Variants in ARHGEF26 observed in about 807,000 individuals in gnomAD.
The protein encoded by ARHGEF26 is Rho guanine nucleotide exchange factor 26, also known as Rho guanine nucleotide exchange factor (GEF) 26.
ARHGEF26 carries 59 observed loss-of-function variants against 89.4 expected under a neutral mutation model. The ratio of observed to expected loss-of-function variants is 0.66; its 90% confidence interval spans 0.54 to 0.82. The LOEUF is 0.82. ARHGEF26 is among the 40% of genes least tolerant of loss of function. ARHGEF26 has a pLI of 0.00. For missense variants in ARHGEF26, 1,234 were observed against 1,085.6 expected (o/e 1.14, Z -1.92); for synonymous variants, 500 against 428.4 (o/e 1.17, Z -2.06).
At chr3:154,240,939 T>A (rs1717451479) in intron 12 of ARHGEF26, among the ~76,000 whole-genome samples, 1 of 152,222 alleles carries the variant, frequency 6.6e-6, no homozygotes, top group South Asian at 2.1e-4. Flanking sequence ...GTCTAGGCCA[T>A]AAGCCTTCTT....
chr3:154,254,697 AG>A (rs1332418307), intron 13 of ARHGEF26, 22 bp from the exon 14 acceptor site: 2 of 1,596,218 alleles, frequency 1.3e-6, no homozygotes, highest in Non-Finnish European at 1.7e-6. Context: ...CTGGAAACTT[AG>A]TATGTCCTCT....
intron 10 of ARHGEF26, 26 bp from the exon 11 acceptor site, chr3:154,225,830 G>A: frequency 6.4e-7 from 1 of 1,567,210 alleles, no homozygotes; most frequent in Non-Finnish European, 8.6e-7. Flanking sequence ...TTTAGCTTTG[G>A]TCACTGGGTT....
In ARHGEF26 at chr3:154,233,902, C is replaced by T. The variant is rs188508087; in HGVS notation, c.2091-6468C>T. 3.3e-4 allele frequency among the ~76,000 whole-genome samples: 50 copies of T among 152,106 alleles called. No homozygotes were observed. The East Asian group carries it at 7.9e-3, about 24-fold the overall frequency. On this transcript the variant is annotated intron_variant, in intron 11 of 14. Transcript: ENST00000465093. ...AGCACATTCTAGTAAATATTTTTTT[C>T]GGGACAGAAAAGCTATGTGAATGTT...
In ARHGEF26 at chr3:154,256,728, C is replaced by G. The variant is rs113040093; in HGVS notation, c.*1255C>G. The G allele has an allele frequency of 2.2e-6, 3 of 1,374,216 alleles. No homozygotes were observed. The highest frequency in any genetic ancestry group is 2.1e-4 in the Middle Eastern group (1 of 4,754). 85.1% of individuals were successfully genotyped at this position (1,374,216 alleles called of 1,614,324 possible). On this transcript the variant is annotated 3_prime_UTR_variant, in exon 15 of 15. Transcript: ENST00000465093. Reference sequence around the variant, plus strand: ...AGGGAAAATTAGGCCTTAAAAGATACCAAGAAGTCAGCATGGTACCCAATT... The same window carrying G: ...AGGGAAAATTAGGCCTTAAAAGATAGCAAGAAGTCAGCATGGTACCCAATT...
chr3:154,242,322 G>T (rs1344559234), intron 12 of ARHGEF26, among the ~76,000 whole-genome samples: 3 of 152,180 alleles, frequency 2.0e-5, no homozygotes, highest in African/African-American at 7.2e-5. Flanking sequence ...CATGGGAGGA[G>T]ATCAACATAT....
chr3:154,133,071 A>G (rs1344892455), intron 4 of ARHGEF26, among the ~76,000 whole-genome samples: 1 of 152,112 alleles, frequency 6.6e-6, no homozygotes, highest in Non-Finnish European at 1.5e-5. Flanking sequence ...GCCTCCTGGG[A>G]TGGTGAAACT....
chr3:154,238,815 C>A (rs1717278560), intron 11 of ARHGEF26, among the ~76,000 whole-genome samples: 1 of 151,930 alleles, frequency 6.6e-6, no homozygotes, highest in Admixed American at 6.6e-5. Flanking sequence ...CAGGCAAATA[C>A]AATCAAGGAG....
At position 154,240,535 on chromosome 3, in the gene ARHGEF26, C is replaced by A; in HGVS notation, c.2256C>A (p.Asn752Lys). 6.2e-7 allele frequency: 1 copy of A among 1,612,892 alleles called. No individual in the cohort carries two copies. The highest frequency in any genetic ancestry group is 8.5e-7 in the Non-Finnish European group (1 of 1,179,368). The change falls in exon 12 of 15, where the codon AAC becomes AAA. Residue 752 changes from asparagine to lysine, a missense_variant. Asn to Lys is a moderately conservative substitution (Grantham distance 94). Coordinates refer to ENST00000465093, the MANE Select transcript of ARHGEF26 (RefSeq NM_015595.4). ...TCTTTACTCTGACAGTCCTTAGTAA[C>A]CACGCGAATGAGAAAGTGGAGATGC... Reference protein sequence around the residue: ...SHLFTLTVLSNHANEKVEMLL... With the variant: ...SHLFTLTVLSKHANEKVEMLL...
intron 8 of ARHGEF26, 23 bp from the exon 9 acceptor site, chr3:154,194,621 T>C (rs1211178299): frequency 6.5e-7 from 1 of 1,546,138 alleles, no homozygotes; most frequent in South Asian, 1.2e-5. Flanking sequence ...CAATAAATTT[T>C]GTTCACTTTT....
chr3:154,129,869 G>GC (rs1718574041), intron 4 of ARHGEF26, 150 bp downstream of exon 4: 3 of 952,308 alleles, frequency 3.2e-6, no homozygotes, highest in East Asian at 2.6e-5. Flanking sequence ...TCGGAACTCT[G>GC]CCCGCACTAA....
intron 10 of ARHGEF26, among the ~76,000 whole-genome samples, chr3:154,223,838 G>T (rs1361679844): frequency 1.3e-5 from 2 of 152,046 alleles, no homozygotes; most frequent in African/African-American, 4.8e-5. Flanking sequence ...TGGTGAAATG[G>T]TGAATTTCAT....
intron 1 of ARHGEF26, 101 bp from the exon 2 acceptor site, chr3:154,121,841 C>G: frequency 9.3e-7 from 1 of 1,078,838 alleles, no homozygotes; most frequent in African/African-American, 1.6e-5. Context: ...GCAGTCGTGT[C>G]CTGCGCAGCA....
At chr3:154,232,303 G>T (rs1486274460) in intron 11 of ARHGEF26, among the ~76,000 whole-genome samples, 1 of 152,086 alleles carries the variant, frequency 6.6e-6, no homozygotes, top group Non-Finnish European at 1.5e-5. Context: ...CATCTTTTTT[G>T]GTGGCAGTCA....
At chr3:154,230,196 GC>G (rs1716745979) in intron 11 of ARHGEF26, among the ~76,000 whole-genome samples, 1 of 152,172 alleles carries the variant, frequency 6.6e-6, no homozygotes, top group Non-Finnish European at 1.5e-5. Context: ...GTTTCTTACA[GC>G]TGCTGTATCA....
intron 4 of ARHGEF26, among the ~76,000 whole-genome samples, chr3:154,131,553 A>G (rs932580570): frequency 2.0e-5 from 3 of 152,242 alleles, no homozygotes; most frequent in Non-Finnish European, 2.9e-5. Flanking sequence ...GACAAGGTCC[A>G]TTGAGGCCAT....
At chr3:154,237,285 A>G (rs1717174253) in intron 11 of ARHGEF26, among the ~76,000 whole-genome samples, 2 of 152,114 alleles carry the variant, frequency 1.3e-5, no homozygotes, top group African/African-American at 4.8e-5. Flanking sequence ...GGTGTGGTGG[A>G]TCAGGCCTGT....
intron 14 of ARHGEF26, 104 bp downstream of exon 14, chr3:154,254,928 C>T: frequency 1.1e-6 from 1 of 933,450 alleles, no homozygotes; most frequent in South Asian, 1.5e-5. Flanking sequence ...CAAATCTTGA[C>T]ATGTTAATGT....
chr3:154,203,204 A>T (rs979437510), intron 9 of ARHGEF26, among the ~76,000 whole-genome samples: 1 of 152,206 alleles, frequency 6.6e-6, no homozygotes, highest in Non-Finnish European at 1.5e-5. Context: ...AGTTTTTAGC[A>T]TGAAGGGTTG....
At chr3:154,183,095 T>C (rs1254681492) in intron 6 of ARHGEF26, among the ~76,000 whole-genome samples, 1 of 152,228 alleles carries the variant, frequency 6.6e-6, no homozygotes, top group Non-Finnish European at 1.5e-5. Flanking sequence ...GACCATTATC[T>C]GCACAGCTGA....
Sources: allele counts gnomAD v4.1 joint callset (sites outside exome capture counted in the v4.1 genomes callset), GRCh38; gene constraint gnomAD v4.1.1; transcripts MANE v1.5; gene names NCBI Gene and HGNC (gene_info 2026-07-23, HGNC 2026-07-21).